Variants in SPCS3 observed in about 807,000 individuals in gnomAD.
SPCS3 encodes SPase 22 kDa subunit.
Under a neutral mutation model 17.2 loss-of-function variants are expected in SPCS3, and 9 were observed. The observed-to-expected ratio is 0.52, with a 90% CI of 0.31 to 0.91. SPCS3 has a LOEUF of 0.91. SPCS3 is among the 40% of genes least tolerant of loss of function. SPCS3 has a pLI of 0.04. For missense variants in SPCS3, 139 were observed against 217.5 expected (o/e 0.64, Z 2.27); for synonymous variants, 87 against 89.6 (o/e 0.97, Z 0.16).
chr4:176,321,038 T>G (rs1731531082), intron 1 of SPCS3: 1 of 152,270 alleles, frequency 6.6e-6, no homozygotes, highest in Admixed American at 6.5e-5. Context: ...GTCGTATTTT[T>G]CCATCTCTTG....
At chr4:176,326,681 A>G (rs1165906895) in intron 3 of SPCS3, among the ~76,000 whole-genome samples, 1 of 152,212 alleles carries the variant, frequency 6.6e-6, no homozygotes, top group Non-Finnish European at 1.5e-5. Flanking sequence ...TCATGACATA[A>G]TTAATCAGCA....
Position 176,320,071 on chromosome 4 carries a change from A to T in SPCS3, c.-6A>T. Reference sequence around the variant, plus strand: ...GTGGAGTCCGGACTCGTGGGAGACGATCGCGATGAACACGGTGCTGTCGCG... The same window carrying T: ...GTGGAGTCCGGACTCGTGGGAGACGTTCGCGATGAACACGGTGCTGTCGCG... On this transcript the variant is annotated 5_prime_UTR_variant, in exon 1 of 5. Transcript: ENST00000503362. 2 of 1,547,664 alleles carry T rather than the reference A, an allele frequency of 1.3e-6. No individual in the cohort carries two copies. The highest frequency in any genetic ancestry group is 8.7e-7 in the Non-Finnish European group (1 of 1,145,790).
chr4:176,320,313 C>G, intron 1 of SPCS3, 94 bp downstream of exon 1: 1 of 1,173,546 alleles, frequency 8.5e-7, no homozygotes, highest in East Asian at 3.7e-5. Context: ...CGTGCCGGGG[C>G]CGCGGGCAGG....
rs1053243 is a variant in SPCS3 at position 176,332,092 on chromosome 4, C to T, written c.*3762C>T. 0.083 allele frequency: 12,692 copies of T among 152,156 alleles called. 699 individuals carry two copies. Among genetic ancestry groups the T allele is most frequent in the Middle Eastern group, 0.12 (36 of 306 alleles). The allele number at this position is 152,156 out of a possible 1,614,324, so 9.4% of individuals were successfully genotyped here. A position where few individuals can be genotyped will look rare whatever the true frequency, so the allele number is the denominator to read the frequency against. On this transcript the variant is annotated 3_prime_UTR_variant, in exon 5 of 5. Coordinates refer to ENST00000503362, the MANE Select transcript of SPCS3 (RefSeq NM_021928.4). ...GGGGTGGGATGGGGGAGGTTAGTTA[C>T]ACTTAAAATATCTTCTCCAGAGACT...
chr4:176,322,056 TTG>T (rs1731545657), intron 1 of SPCS3, 112 bp from the exon 2 acceptor site: 1 of 560,648 alleles, frequency 1.8e-6, no homozygotes, highest in African/African-American at 1.9e-5. Flanking sequence ...ACTCGTTTCT[TTG>T]TGGAATTGCA....
chr4:176,322,271 G>A (rs751869846), intron 2 of SPCS3, 28 bp downstream of exon 2: 34 of 1,415,596 alleles, frequency 2.4e-5, no homozygotes, highest in African/African-American at 2.8e-5. Flanking sequence ...ATTTCGTTGC[G>A]TTTTCTGTAG....
At chr4:176,323,386 A>G (rs1263777883) in intron 2 of SPCS3, among the ~76,000 whole-genome samples, 1 of 152,072 alleles carries the variant, frequency 6.6e-6, no homozygotes, top group Non-Finnish European at 1.5e-5. Context: ...TGCTACTACT[A>G]CTTGAAATTG....
chr4:176,325,561 TAA>T lies in SPCS3; in HGVS notation c.294+1320_294+1321del, dbSNP rs71597446. Among the ~76,000 whole-genome samples the T allele has an allele frequency of 7.6e-3, 1,048 of 137,196 alleles. 13 individuals are homozygous for T. Among genetic ancestry groups the T allele is most frequent in the African/African-American group, 0.025 (920 of 37,234 alleles). The allele number at this position is 137,196 out of a possible 152,430, so 90.0% of individuals were successfully genotyped here. On this transcript the variant is annotated intron_variant, in intron 3 of 4. Transcript: ENST00000503362. ...CATCTTAGTACCAGATACCTTTCTT[TAA>T]AAAAAAAAAAAAAAAGAACATGGTG... is the stretch of plus-strand genomic sequence containing the variant.
rs1244190790 is a variant in SPCS3, at chr4:176,320,226, G to C, written c.143+7G>C. ...ACGTCTCGCGGATCATGCTGTGAGT[G>C]AGGCCGGGCCGGCGGTGCAGGACGC... On this transcript the variant is annotated splice_region_variant and intron_variant, in intron 1 of 4. Coordinates refer to ENST00000503362, the MANE Select transcript of SPCS3 (RefSeq NM_021928.4). The C allele has an allele frequency of 6.4e-7, 1 of 1,556,272 alleles. No homozygotes were observed. Among genetic ancestry groups the C allele is most frequent in the Non-Finnish European group, 8.7e-7 (1 of 1,152,230 alleles).
At chr4:176,327,334 A>G in intron 4 of SPCS3, 57 bp downstream of exon 4, 1 of 1,067,700 alleles carries the variant, frequency 9.4e-7, no homozygotes, top group South Asian at 1.9e-5. Context: ...AGAGAGAAAG[A>G]TGTATTTTTA....
At chr4:176,325,343 C>T (rs1032871201) in intron 3 of SPCS3, among the ~76,000 whole-genome samples, 3 of 151,930 alleles carry the variant, frequency 2.0e-5, no homozygotes, top group Non-Finnish European at 2.9e-5. Context: ...CATAAGCCAC[C>T]GCGCCCGGCC....
rs933296307 is a variant in SPCS3 at position 176,328,423 on chromosome 4, T to G, written c.*93T>G. 3.5e-6 allele frequency: 4 copies of G among 1,134,930 alleles called. No individual in the cohort carries two copies. The highest frequency in any genetic ancestry group is 4.0e-5 in the Admixed American group (1 of 25,092). 70.3% of individuals were successfully genotyped at this position (1,134,930 alleles called of 1,614,324 possible). A position where few individuals can be genotyped will look rare whatever the true frequency, so the allele number is the denominator to read the frequency against. ...ACATCTTCATGTATTGTTGGTTTGT[T>G]TTTTGGTTTTGGGTTTTTTTTTTTT... On this transcript the variant is annotated 3_prime_UTR_variant, in exon 5 of 5. Transcript: ENST00000503362.
intron 1 of SPCS3, 124 bp from the exon 2 acceptor site, chr4:176,322,046 A>T: frequency 1.8e-6 from 1 of 540,622 alleles, no homozygotes; most frequent in Non-Finnish European, 3.3e-6. Context: ...TCTGGTGTTT[A>T]CTCGTTTCTT....
At position 176,329,853 on chromosome 4, in the gene SPCS3, T is replaced by C. The variant is rs527456196; in HGVS notation, c.*1523T>C. 2 of 152,334 alleles carry C rather than the reference T, an allele frequency of 1.3e-5. No homozygotes were observed. Among genetic ancestry groups the C allele is most frequent in the African/African-American group, 4.8e-5 (2 of 41,588 alleles). The allele number at this position is 152,334 out of a possible 1,614,324, so 9.4% of individuals were successfully genotyped here. A position where few individuals can be genotyped will look rare whatever the true frequency, so the allele number is the denominator to read the frequency against. ...TAGTTTAAATTACAGACATTTGTTA[T>C]ATTTACCTTATGTGAAATACATCAC... On this transcript the variant is annotated 3_prime_UTR_variant, in exon 5 of 5. Transcript: ENST00000503362.
rs973566195 is a variant in SPCS3, at chr4:176,329,283, A to G, written c.*953A>G. 2 of 152,284 alleles carry G rather than the reference A, an allele frequency of 1.3e-5. No homozygotes were observed. Among genetic ancestry groups the G allele is most frequent in the African/African-American group, 4.8e-5 (2 of 41,580 alleles). The allele number at this position is 152,284 out of a possible 1,614,324, so 9.4% of individuals were successfully genotyped here. ...TCAATAATCTAATGAGGTAAGTAGT[A>G]TAAGTGTTAGCTCTTTGCAGATAAG... On this transcript the variant is annotated 3_prime_UTR_variant, in exon 5 of 5. Transcript: ENST00000503362.
intron 4 of SPCS3, 140 bp from the exon 5 acceptor site, chr4:176,328,058 T>A: frequency 1.3e-6 from 1 of 744,420 alleles, no homozygotes; most frequent in Non-Finnish European, 2.1e-6. Flanking sequence ...AAATAGTTCT[T>A]TTTGCAGATT....
At position 176,329,789 on chromosome 4, in the gene SPCS3, T is replaced by G. The variant is rs1731659959; in HGVS notation, c.*1459T>G. 1 of 152,166 alleles carries G rather than the reference T, an allele frequency of 6.6e-6. No homozygotes were observed. Among genetic ancestry groups the G allele is most frequent in the African/African-American group, 2.4e-5 (1 of 41,446 alleles). The allele number at this position is 152,166 out of a possible 1,614,324, so 9.4% of individuals were successfully genotyped here. A position where few individuals can be genotyped will look rare whatever the true frequency, so the allele number is the denominator to read the frequency against. On this transcript the variant is annotated 3_prime_UTR_variant, in exon 5 of 5. Coordinates refer to ENST00000503362, the MANE Select transcript of SPCS3 (RefSeq NM_021928.4). Reference sequence around the variant, plus strand: ...GCAAGACCAAACACTGTAGTTACACTATTAGCAGTGACCAAAAAGGGCTAA... The same window carrying G: ...GCAAGACCAAACACTGTAGTTACACGATTAGCAGTGACCAAAAAGGGCTAA...
intron 4 of SPCS3, 99 bp from the exon 5 acceptor site, chr4:176,328,099 G>A (rs1016828954): frequency 9.3e-7 from 1 of 1,079,060 alleles, no homozygotes; most frequent in African/African-American, 1.6e-5. Context: ...AGGAATAGAT[G>A]GTTATAAATA....
rs1731651260 is a variant in SPCS3 at position 176,329,279 on chromosome 4, T to A, written c.*949T>A. 6.6e-6 allele frequency: 1 copy of A among 152,132 alleles called. No individual in the cohort carries two copies. 9.4% of individuals were successfully genotyped at this position (152,132 alleles called of 1,614,324 possible). A position where few individuals can be genotyped will look rare whatever the true frequency, so the allele number is the denominator to read the frequency against. Reference sequence around the variant, plus strand: ...ATCCTCAATAATCTAATGAGGTAAGTAGTATAAGTGTTAGCTCTTTGCAGA... The same window carrying A: ...ATCCTCAATAATCTAATGAGGTAAGAAGTATAAGTGTTAGCTCTTTGCAGA... On this transcript the variant is annotated 3_prime_UTR_variant, in exon 5 of 5. Transcript: ENST00000503362.
Sources: gnomAD v4.1 joint callset for allele counts (sites outside exome capture counted in the v4.1 genomes callset) on GRCh38, gnomAD v4.1.1 for gene constraint, MANE v1.5 for transcripts, NCBI Gene and HGNC (gene_info 2026-07-23, HGNC 2026-07-21) for gene names.